Variants in CNKSR2 observed in about 807,000 individuals in gnomAD.
The protein encoded by CNKSR2 is connector enhancer of kinase suppressor of Ras 2.
A neutral mutation model predicts 84.4 loss-of-function variants in CNKSR2; 14 were observed. The observed-to-expected ratio is 0.17, with a 90% confidence interval of 0.11 to 0.26. CNKSR2 has a LOEUF of 0.26. Ranked by LOEUF, CNKSR2 falls within the 10% of genes least tolerant of loss-of-function variation. CNKSR2 has a pLI of 1.00. For synonymous variants in CNKSR2, 275 were observed against 277.9 expected (o/e 0.99, Z 0.10); for missense variants, 485 against 771.2 (o/e 0.63, Z 4.40).
In CNKSR2 at chrX:21,566,330, C is replaced by T. The variant is rs780314115; in HGVS notation, c.1608+2878C>T. 9.8e-5 allele frequency among the ~76,000 whole-genome samples: 11 copies of T among 112,119 alleles called. No individual in the cohort carries two copies. The South Asian group carries it at 3.3e-3, about 34-fold the overall frequency. On this transcript the variant is annotated intron_variant, in intron 13 of 21. Transcript: ENST00000379510. Reference sequence around the variant, plus strand: ...TGGACCTTGGAGACAAAACAACATACGCTTAAATAATAGCTTTTTATATTT... The same window carrying T: ...TGGACCTTGGAGACAAAACAACATATGCTTAAATAATAGCTTTTTATATTT...
intron 4 of CNKSR2, among the ~76,000 whole-genome samples, chrX:21,457,972 A>G (rs1481492283): frequency 8.9e-6 from 1 of 112,254 alleles, no homozygotes. Context: ...AGATTTCATA[A>G]TAGACTGGAA....
intron 16 of CNKSR2, 93 bp from the exon 17 acceptor site, chrX:21,595,231 G>A (rs1013756150): frequency 7.1e-6 from 5 of 709,070 alleles, no homozygotes; most frequent in South Asian, 2.6e-5. Flanking sequence ...ATGTGAACTC[G>A]GGTTAGATGT....
chrX:21,599,899 G>A (rs1466610115), intron 17 of CNKSR2, among the ~76,000 whole-genome samples: 1 of 110,798 alleles, frequency 9.0e-6, no homozygotes, highest in Non-Finnish European at 1.9e-5. Flanking sequence ...TTAAAACATT[G>A]TCATGAAGTT....
At chrX:21,425,977 G>A (rs2090559753) in intron 1 of CNKSR2, 1 of 112,773 alleles carries the variant, frequency 8.9e-6, no homozygotes. Flanking sequence ...AGATGGCAGA[G>A]ATTTGAACAT....
chrX:21,582,848 A>C (rs2092361684), intron 13 of CNKSR2, among the ~76,000 whole-genome samples: 1 of 111,139 alleles, frequency 9.0e-6, no homozygotes, highest in Admixed American at 9.6e-5. Context: ...TTCTTCCTAC[A>C]TTACCACTGT....
intron 1 of CNKSR2, among the ~76,000 whole-genome samples, chrX:21,392,625 C>G (rs915291290): frequency 9.0e-6 from 1 of 111,532 alleles, no homozygotes; most frequent in African/African-American, 3.3e-5. Context: ...GCCCCTCCTC[C>G]AACACTGGGG....
intron 13 of CNKSR2, among the ~76,000 whole-genome samples, chrX:21,589,645 A>G (rs920940680): frequency 2.7e-5 from 3 of 111,860 alleles, no homozygotes; most frequent in Admixed American, 1.9e-4. Context: ...AGACCAATCA[A>G]TATAGTTGTG....
chrX:21,531,708 T>C, intron 10 of CNKSR2, 148 bp from the exon 11 acceptor site: 1 of 378,119 alleles, frequency 2.6e-6, no homozygotes, highest in Non-Finnish European at 4.6e-6. Context: ...ATAAGAATAA[T>C]TACAAATTGC....
At chrX:21,380,443 C>CTTTTTTT (rs1213793885) in intron 1 of CNKSR2, among the ~76,000 whole-genome samples, 1 of 70,323 alleles carries the variant, frequency 1.4e-5, no homozygotes, top group Non-Finnish European at 2.7e-5. Context: ...TCAATTTGTT[C>CTTTTTTT]TTTTTTTTTT....
chrX:21,402,275 A>G (rs915499871), intron 1 of CNKSR2, among the ~76,000 whole-genome samples: 3 of 111,491 alleles, frequency 2.7e-5, no homozygotes, highest in African/African-American at 9.7e-5. Flanking sequence ...AATCTTTATA[A>G]CACCCCTATT....
At chrX:21,471,688 T>C (rs2091199828) in intron 5 of CNKSR2, among the ~76,000 whole-genome samples, 1 of 112,001 alleles carries the variant, frequency 8.9e-6, no homozygotes, top group Non-Finnish European at 1.9e-5. Flanking sequence ...TATTCCTTTT[T>C]TGTTATCTGT....
intron 1 of CNKSR2, among the ~76,000 whole-genome samples, chrX:21,396,555 A>G (rs185410182): frequency 1.8e-5 from 2 of 111,380 alleles, no homozygotes; most frequent in Admixed American, 9.5e-5. Context: ...TGAAGCACAA[A>G]CTCAAATACA....
intron 9 of CNKSR2, among the ~76,000 whole-genome samples, chrX:21,518,612 T>A (rs1376666721): frequency 3.6e-5 from 4 of 111,446 alleles, no homozygotes; most frequent in African/African-American, 1.3e-4. Context: ...ACATATACAT[T>A]GGGTGTAGGT....
intron 4 of CNKSR2, among the ~76,000 whole-genome samples, chrX:21,470,056 T>C (rs1393933976): frequency 8.9e-6 from 1 of 112,324 alleles, no homozygotes; most frequent in Non-Finnish European, 1.9e-5. Flanking sequence ...GTATGCCCGT[T>C]TTATAAATTT....
chrX:21,563,169 A>G, intron 12 of CNKSR2, 69 bp from the exon 13 acceptor site: 2 of 892,772 alleles, frequency 2.2e-6, no homozygotes, highest in Non-Finnish European at 1.5e-6. Context: ...TAATAGCACA[A>G]TTGAGAAAGA....
At chrX:21,559,547 T>C (rs774915257) in intron 11 of CNKSR2, among the ~76,000 whole-genome samples, 1 of 111,693 alleles carries the variant, frequency 9.0e-6, no homozygotes, top group African/African-American at 3.2e-5. Flanking sequence ...AGGGTCGGTC[T>C]GAGGACAGGT....
chrX:21,616,474 C>G (rs2092577154), intron 20 of CNKSR2, among the ~76,000 whole-genome samples: 1 of 111,488 alleles, frequency 9.0e-6, no homozygotes, highest in Non-Finnish European at 1.9e-5. Flanking sequence ...CAAAACATCG[C>G]AGAATTCCTC....
chrX:21,594,995 A>G lies in CNKSR2; in HGVS notation c.1852A>G (p.Ile618Val), dbSNP rs757184703. Reference protein sequence around the residue: ...NEEDEKAEGFISLPEFKIDRA... With the variant: ...NEEDEKAEGFVSLPEFKIDRA... The stretch of plus-strand genomic sequence containing the variant: ...TCAGGATGAAAAAGCAGAAGGATTC[A>G]TTAGCCTGCCTGAATTTAAAATTGA... The change falls in exon 16 of 22, where the codon ATT (isoleucine) becomes GTT (valine). Residue 618 changes from isoleucine to valine, a missense_variant. Coordinates refer to ENST00000379510, the MANE Select transcript of CNKSR2 (RefSeq NM_014927.5). 1 of 1,208,637 alleles carries G rather than the reference A, an allele frequency of 8.3e-7. No individual in the cohort carries two copies. Among genetic ancestry groups the G allele is most frequent in the Non-Finnish European group, 1.1e-6 (1 of 893,077 alleles).
chrX:21,407,321 A>T (rs753473869), intron 1 of CNKSR2, among the ~76,000 whole-genome samples: 27 of 111,362 alleles, frequency 2.4e-4, no homozygotes, highest in Non-Finnish European at 5.1e-4. Flanking sequence ...GTTAACCTCA[A>T]GGTTGGAATA....
Sources: allele counts gnomAD v4.1 joint callset (sites outside exome capture counted in the v4.1 genomes callset), GRCh38; gene constraint gnomAD v4.1.1; transcripts MANE v1.5; gene names NCBI Gene and HGNC (gene_info 2026-07-23, HGNC 2026-07-21).